The following NCAN variants were observed in gnomAD, a reference collection of about 807,000 sequenced individuals.
NCAN encodes neurocan.
Under a neutral mutation model 121.8 loss-of-function variants are expected in NCAN, and 47 were observed. The observed-to-expected ratio is 0.39, with a 90% CI of 0.31 to 0.49. NCAN has a LOEUF of 0.49. Ranked by LOEUF, NCAN falls within the 20% of genes least tolerant of loss-of-function variation. The pLI, the probability that NCAN is intolerant of heterozygous loss-of-function variation, is 0.92. For missense variants in NCAN, 1,517 were observed against 1,773.4 expected, an observed-to-expected ratio of 0.86 and a Z score of 2.60; for synonymous variants, 633 against 702.0, an observed-to-expected ratio of 0.90 and a Z score of 1.55.
intron 9 of NCAN, 136 bp from the exon 10 acceptor site, chr19:19,234,847 G>A (rs2060875086): frequency 3.8e-6 from 2 of 519,650 alleles, no homozygotes; most frequent in South Asian, 6.3e-5. Context: ...TGGGCCATCT[G>A]TGCAAACTGT....
At chr19:19,245,573 GTTCAAGCCATCC>G in intron 13 of NCAN, 116 bp downstream of exon 13, 1 of 1,231,424 alleles carries the variant, frequency 8.1e-7, no homozygotes, top group Non-Finnish European at 1.1e-6. Context: ...CACCGCCTGG[GTTCAAGCCATCC>G]TCCTGCCTCA....
rs753716555 is a variant in NCAN, at chr19:19,227,679, A to G, written c.2059A>G (p.Thr687Ala). 28 of 1,613,904 alleles carry G rather than the reference A, an allele frequency of 1.7e-5. 1 individual carries two copies. The East Asian group carries it at 4.5e-4, about 26-fold the overall frequency. Residue 687 changes from threonine to alanine, a missense_variant, in exon 8 of 15, where the codon ACA becomes GCA. Transcript: ENST00000252575. The surrounding 1 kb of genome is among the most constrained non-coding windows in gnomAD (Gnocchi z 4.2). ...TTCCCTGCCTCTCTCTTTGACCCCAACAGGACAGGGTGGAGAGGCCATGCC... is the reference window on the plus strand; with the variant it reads ...TTCCCTGCCTCTCTCTTTGACCCCAGCAGGACAGGGTGGAGAGGCCATGCC... ...VYSLPLSLTP[T>A]GQGGEAMPTT...
rs142210617 is a variant in NCAN at position 19,226,529 on chromosome 19, C to A, written c.1116C>A (p.Ser372=). Residue 372 remains serine, a synonymous_variant, in exon 7 of 15, where the codon TCC becomes TCA. Coordinates refer to ENST00000252575, the MANE Select transcript of NCAN (RefSeq NM_004386.3). ...TSQHGDLETP[S]SGDEGEILSA... Reference sequence around the variant, plus strand: ...AACATGGAGACCTAGAGACCCCATCCTCTGGGGATGAGGGGGAGATTCTGT... The same window carrying A: ...AACATGGAGACCTAGAGACCCCATCATCTGGGGATGAGGGGGAGATTCTGT... 1 of 1,610,684 alleles carries A rather than the reference C, an allele frequency of 6.2e-7. No homozygotes were observed. Among genetic ancestry groups the A allele is most frequent in the South Asian group, 1.1e-5 (1 of 90,994 alleles).
chr19:19,249,850 G>A lies in NCAN; in HGVS notation c.3905G>A (p.Arg1302His), dbSNP rs765027470. The change falls in exon 15 of 15, where the codon CGC becomes CAC. Residue 1302 changes from arginine (R) to histidine (H), a missense_variant. Transcript: ENST00000252575. Reference sequence around the variant, plus strand: ...CACCACCACAAATCCCGCAAGGAGCGCAGAAAACACAAGAAACACCCAACG... The same window carrying A: ...CACCACCACAAATCCCGCAAGGAGCACAGAAAACACAAGAAACACCCAACG... ...QHHHHKSRKE[R>H]RKHKKHPTED... The A allele has an allele frequency of 1.4e-5, 22 of 1,613,804 alleles. No individual in the cohort carries two copies. Among genetic ancestry groups the A allele is most frequent in the African/African-American group, 8.0e-5 (6 of 74,846 alleles).
Position 19,228,653 on chromosome 19 carries a change from C to A in NCAN, c.3019+14C>A. The A allele has an allele frequency of 6.3e-7, 1 of 1,595,000 alleles. No homozygotes were observed. Among genetic ancestry groups the A allele is most frequent in the Non-Finnish European group, 8.6e-7 (1 of 1,168,890 alleles). The stretch of plus-strand genomic sequence containing the variant: ...GTGCGGAGGAGGGTGAGTACAAAGT[C>A]CCGGGGCTCTGTCCAGCTCTCCATG... On this transcript the variant is annotated intron_variant, in intron 8 of 14. Transcript: ENST00000252575.
intron 8 of NCAN, among the ~76,000 whole-genome samples, chr19:19,233,353 T>C (rs190939934): frequency 8.9e-4 from 135 of 151,888 alleles, no homozygotes; most frequent in African/African-American, 3.1e-3. Flanking sequence ...TTTCAGTCTG[T>C]CACCCAGGCT....
At position 19,219,028 on chromosome 19, in the gene NCAN, CT is replaced by C. The variant is rs779318021; in HGVS notation, c.188del (p.Leu63ArgfsTer14). 1 of 1,611,296 alleles carries C rather than the reference CT, an allele frequency of 6.2e-7. No individual in the cohort carries two copies. The highest frequency in any genetic ancestry group is 8.5e-7 in the Non-Finnish European group (1 of 1,178,468). On this transcript the variant is annotated frameshift_variant, in exon 3 of 15. Coordinates refer to ENST00000252575, the MANE Select transcript of NCAN (RefSeq NM_004386.3). LOFTEE classifies it high-confidence loss of function. ...ELVALPCLFT[L>X]QPRPSAARDA... ...GGTGGCCCTGCCCTGTCTCTTTACC[CT>C]GCAGCCACGGCCAAGCGCAGCCCGA...
Position 19,224,978 on chromosome 19 carries a change from C to A in NCAN, c.780C>A (p.Gly260=). 7.0e-7 allele frequency: 1 copy of A among 1,434,746 alleles called. No individual in the cohort carries two copies. Among genetic ancestry groups the A allele is most frequent in the Non-Finnish European group, 9.1e-7 (1 of 1,100,404 alleles). 88.9% of individuals were successfully genotyped at this position (1,434,746 alleles called of 1,614,324 possible). A position where few individuals can be genotyped will look rare whatever the true frequency, so the allele number is the denominator to read the frequency against. The change falls in exon 6 of 15, where the codon GGC becomes GGA. Residue 260 remains glycine, a splice_region_variant and synonymous_variant. Coordinates refer to ENST00000252575, the MANE Select transcript of NCAN (RefSeq NM_004386.3). ...GACCTCCACCCGCCCCTCCCGCAGG[C>A]GAGGTCTTCTACGTGGGCCCGGCCC... ...DVYCFARELG[G]EVFYVGPARR...
Position 19,219,069 on chromosome 19 carries a change from A to G in NCAN, c.228A>G (p.Ile76Met). 6.2e-7 allele frequency: 1 copy of G among 1,612,288 alleles called. No individual in the cohort carries two copies. The highest frequency in any genetic ancestry group is 8.5e-7 in the Non-Finnish European group (1 of 1,179,000). Residue 76 changes from isoleucine (I) to methionine (M), a missense_variant, in exon 3 of 15, where the codon ATA becomes ATG. Physicochemically the swap from Ile to Met is conservative, Grantham distance 10 (BLOSUM62 1). Coordinates refer to ENST00000252575, the MANE Select transcript of NCAN (RefSeq NM_004386.3). The stretch of plus-strand genomic sequence containing the variant: ...GCGCAGCCCGAGATGCCCCTCGGAT[A>G]AAGTGGACCAAGGTGCGGACTGCGT... ...RPSAARDAPR[I>M]KWTKVRTASG... is the part of the protein sequence containing the mutation.
chr19:19,214,191 GAC>G (rs991574155), intron 1 of NCAN, among the ~76,000 whole-genome samples: 1 of 151,674 alleles, frequency 6.6e-6, no homozygotes, highest in Admixed American at 6.6e-5. Context: ...TGAAGGAGGG[GAC>G]ACACACACAC....
chr19:19,230,780 G>A (rs1397405599), intron 8 of NCAN, among the ~76,000 whole-genome samples: 2 of 144,694 alleles, frequency 1.4e-5, no homozygotes, highest in Admixed American at 7.2e-5. Flanking sequence ...TCAGGCTGGA[G>A]TGCAGTGGTG....
At position 19,219,005 on chromosome 19, in the gene NCAN, T is replaced by G. The variant is rs1288900287; in HGVS notation, c.164T>G (p.Val55Gly). ...GSVQAALAEL[V>G]ALPCLFTLQP... ...GTGCAGGCTGCGCTGGCGGAGCTGG[T>G]GGCCCTGCCCTGTCTCTTTACCCTG... Residue 55 changes from valine to glycine, a missense_variant, in exon 3 of 15, where the codon GTG (valine) becomes GGG (glycine). Physicochemically the swap from Val to Gly is moderately radical, Grantham distance 109. Coordinates refer to ENST00000252575, the MANE Select transcript of NCAN (RefSeq NM_004386.3). The G allele has an allele frequency of 6.2e-7, 1 of 1,601,288 alleles. No individual in the cohort carries two copies. The highest frequency in any genetic ancestry group is 8.5e-7 in the Non-Finnish European group (1 of 1,172,322).
intron 12 of NCAN, 62 bp from the exon 13 acceptor site, chr19:19,245,251 T>C (rs1322222498): frequency 2.5e-6 from 4 of 1,588,044 alleles, no homozygotes; most frequent in East Asian, 2.2e-5. Context: ...ACAGCAGGAA[T>C]TGCCAGAACC....
rs757547356 is a variant in NCAN, at chr19:19,224,388, C to A, written c.733C>A (p.Pro245Thr). ...PGVRSYGRRN[P>T]QELYDVYCFA... ...GGTTCGGAGCTATGGGAGGCGCAAC[C>A]CACAGGAACTCTACGATGTGTATTG... Residue 245 changes from proline (P) to threonine (T), a missense_variant, in exon 5 of 15, where the codon CCA (proline) becomes ACA (threonine). By Grantham distance (38) the Pro-to-Thr change is conservative. Transcript: ENST00000252575. 6.2e-7 allele frequency: 1 copy of A among 1,614,022 alleles called. No homozygotes were observed. The highest frequency in any genetic ancestry group is 8.5e-7 in the Non-Finnish European group (1 of 1,179,994).
chr19:19,213,249 G>T (rs889960896), intron 1 of NCAN, among the ~76,000 whole-genome samples: 2 of 152,132 alleles, frequency 1.3e-5, no homozygotes, highest in Non-Finnish European at 2.9e-5. Flanking sequence ...GGGGTTTTGT[G>T]TGTGTGTCCA....
chr19:19,243,988 A>C (rs1011177021), intron 12 of NCAN, among the ~76,000 whole-genome samples: 1 of 152,014 alleles, frequency 6.6e-6, no homozygotes, highest in African/African-American at 2.4e-5. Flanking sequence ...GCGAGATCGC[A>C]CCACTACACT....
At chr19:19,219,492 C>T (rs868715977) in intron 3 of NCAN, among the ~76,000 whole-genome samples, 176 bp downstream of exon 3, 46 of 151,824 alleles carry the variant, frequency 3.0e-4, no homozygotes, top group African/African-American at 1.0e-3. Flanking sequence ...CACAGGAGTT[C>T]GAGACCAGCC....
At chr19:19,218,883 A>G in intron 2 of NCAN, 32 bp from the exon 3 acceptor site, 1 of 1,470,850 alleles carries the variant, frequency 6.8e-7, no homozygotes, top group Non-Finnish European at 9.0e-7. Context: ...TTGCCTCTGA[A>G]TCAGGCCCTC....
rs766853269 is a variant in NCAN at position 19,250,023 on chromosome 19, A to G, written c.*112A>G. The G allele has an allele frequency of 1.4e-4, 157 of 1,088,018 alleles. No individual in the cohort carries two copies. The highest frequency in any genetic ancestry group is 2.0e-4 in the Admixed American group (10 of 50,424). 67.4% of individuals were successfully genotyped at this position (1,088,018 alleles called of 1,614,324 possible). A position where few individuals can be genotyped will look rare whatever the true frequency, so the allele number is the denominator to read the frequency against. On this transcript the variant is annotated 3_prime_UTR_variant, in exon 15 of 15. Transcript: ENST00000252575. ...AGAGTCCAGAAGTCCCTGAACCCCA[A>G]ACCACATCCCCCACACACATAATCC... is the stretch of plus-strand genomic sequence containing the variant.
Sources: allele counts gnomAD v4.1 joint callset (sites outside exome capture counted in the v4.1 genomes callset), GRCh38; gene constraint gnomAD v4.1.1; non-coding constraint Gnocchi (gnomAD v3.1); transcripts MANE v1.5; gene names NCBI Gene and HGNC (gene_info 2026-07-23, HGNC 2026-07-21).